The following HAO2 variants were observed in gnomAD, a reference collection of about 807,000 sequenced individuals.
HAO2 encodes 2-Hydroxyacid oxidase 2.
HAO2 carries 42 observed loss-of-function variants against 37.4 expected under a neutral mutation model. That is an observed-to-expected ratio of 1.12 (90% confidence interval 0.88 to 1.45). The LOEUF (loss-of-function observed/expected upper bound fraction) is 1.45. HAO2 is among the 40% of genes most tolerant of loss of function. The pLI is 0.00. For missense variants in HAO2, 476 were observed against 430.2 expected (o/e 1.11, Z -0.94); for synonymous variants, 180 against 162.8 (o/e 1.11, Z -0.81).
rs761312464 is a variant in HAO2, at chr1:119,382,979, G to A, written c.196G>A (p.Gly66Arg). 3.7e-6 allele frequency: 6 copies of A among 1,613,412 alleles called. No individual in the cohort carries two copies. Among genetic ancestry groups the A allele is most frequent in the Non-Finnish European group, 5.1e-6 (6 of 1,179,462 alleles). Residue 66 changes from glycine (G) to arginine (R), a missense_variant, in exon 3 of 8, where the codon GGG (glycine) becomes AGG (arginine). Coordinates refer to ENST00000325945, the MANE Select transcript of HAO2 (RefSeq NM_016527.4). ...GGTGGACACCAGAACCACAATCCAA[G>A]GGGAGGAGATCAGTGCCCCTATTTG... is the stretch of plus-strand genomic sequence containing the variant. The part of the protein sequence containing the change: ...SEVDTRTTIQ[G>R]EEISAPICIA...
intron 7 of HAO2, 40 bp from the exon 8 acceptor site, chr1:119,393,745 G>A (rs1651098325): frequency 1.3e-6 from 2 of 1,598,708 alleles, no homozygotes; most frequent in Non-Finnish European, 1.7e-6. Context: ...AGTTGCTTGT[G>A]TTTGACAAAA....
intron 5 of HAO2, among the ~76,000 whole-genome samples, chr1:119,388,346 G>T (rs1245119843): frequency 1.3e-5 from 2 of 152,160 alleles, no homozygotes; most frequent in African/African-American, 4.8e-5. Flanking sequence ...TAGGTGTCAG[G>T]CTCTCATTAA....
chr1:119,384,915 G>C lies in HAO2; in HGVS notation c.423G>C (p.Leu141Phe). ...VHPDLQLNKQ[L>F]IQRVESLGFK... ...CAGACCTGCAGCTGAACAAACAGTT[G>C]ATCCAGAGGGTAGAATCCCTAGGTT... Residue 141 changes from leucine to phenylalanine, a missense_variant, in exon 4 of 8, where the codon TTG becomes TTC. Coordinates refer to ENST00000325945, the MANE Select transcript of HAO2 (RefSeq NM_016527.4). The C allele has an allele frequency of 6.2e-7, 1 of 1,614,044 alleles. No homozygotes were observed. The highest frequency in any genetic ancestry group is 8.5e-7 in the Non-Finnish European group (1 of 1,179,932).
chr1:119,392,086 A>G, intron 5 of HAO2, 24 bp from the exon 6 acceptor site: 1 of 1,596,834 alleles, frequency 6.3e-7, no homozygotes, highest in Non-Finnish European at 8.5e-7. Flanking sequence ...AAAGCCCTCC[A>G]GCCCATGTGT....
At chr1:119,379,658 T>C (rs1003388666) in intron 1 of HAO2, among the ~76,000 whole-genome samples, 2 of 152,180 alleles carry the variant, frequency 1.3e-5, no homozygotes, top group Non-Finnish European at 2.9e-5. Flanking sequence ...ACTGGCAGAC[T>C]ACTTTTTCTA....
intron 3 of HAO2, among the ~76,000 whole-genome samples, chr1:119,383,321 G>C (rs1303876073): frequency 6.6e-6 from 1 of 152,234 alleles, no homozygotes; most frequent in Non-Finnish European, 1.5e-5. Context: ...ATTTAACCAA[G>C]TCATCCCTCA....
intron 5 of HAO2, among the ~76,000 whole-genome samples, chr1:119,388,058 T>C (rs2101256174): frequency 6.6e-6 from 1 of 152,260 alleles, no homozygotes; most frequent in South Asian, 2.1e-4. Flanking sequence ...ACCGAAGTGG[T>C]TGGGTCTCCT....
rs1228724050 is a variant in HAO2 at position 119,368,810 on chromosome 1, G to T, written c.-101G>T. The T allele has an allele frequency of 6.6e-6, 1 of 152,172 alleles. No homozygotes were observed. Among genetic ancestry groups the T allele is most frequent in the Non-Finnish European group, 1.5e-5 (1 of 68,038 alleles). 9.4% of individuals were successfully genotyped at this position (152,172 alleles called of 1,614,324 possible). ...AGCCTGAACTGTGGGTAGTGATGTG[G>T]TGTGTTTCCTAACACCTCCGGCAGT... On this transcript the variant is annotated 5_prime_UTR_variant, in exon 1 of 8. Coordinates refer to ENST00000325945, the MANE Select transcript of HAO2 (RefSeq NM_016527.4).
chr1:119,372,164 A>T (rs1367682255), intron 1 of HAO2, among the ~76,000 whole-genome samples: 2 of 152,242 alleles, frequency 1.3e-5, no homozygotes, highest in Admixed American at 1.3e-4. Flanking sequence ...AATGCAAATT[A>T]CTGTAAAGCA....
intron 2 of HAO2, 58 bp from the exon 3 acceptor site, chr1:119,382,857 C>T (rs1054528315): frequency 3.4e-5 from 53 of 1,538,942 alleles, no homozygotes; most frequent in Middle Eastern, 3.4e-4. Flanking sequence ...CCCCAGACAA[C>T]GCCTCCCTGC....
chr1:119,381,106 A>G lies in HAO2; in HGVS notation c.21A>G (p.Thr7=). The G allele has an allele frequency of 1.9e-6, 3 of 1,613,236 alleles. No individual in the cohort carries two copies. The highest frequency in any genetic ancestry group is 2.5e-6 in the Non-Finnish European group (3 of 1,179,134). Residue 7 remains threonine, a synonymous_variant, in exon 2 of 8, where the codon ACA becomes ACG. Coordinates refer to ENST00000325945, the MANE Select transcript of HAO2 (RefSeq NM_016527.4). ...CAGAAATGTCCTTGGTGTGTTTGACAGACTTTCAGGCCCATGCGCGAGAGC... is the reference window on the plus strand; with the variant it reads ...CAGAAATGTCCTTGGTGTGTTTGACGGACTTTCAGGCCCATGCGCGAGAGC... MSLVCL[T]DFQAHAREQL...
intron 3 of HAO2, 67 bp downstream of exon 3, chr1:119,383,133 C>A: frequency 8.8e-7 from 1 of 1,142,152 alleles, no homozygotes; most frequent in Non-Finnish European, 1.3e-6. Context: ...GTGGCAGAGG[C>A]TCCAAGATTC....
chr1:119,381,247 G>C, intron 2 of HAO2, 31 bp downstream of exon 2: 1 of 1,571,826 alleles, frequency 6.4e-7, no homozygotes, highest in East Asian at 2.2e-5. Context: ...TCTATTGTTA[G>C]GTTAAGGTGC....
At chr1:119,377,477 C>G (rs746415043) in intron 1 of HAO2, among the ~76,000 whole-genome samples, 1 of 152,216 alleles carries the variant, frequency 6.6e-6, no homozygotes, top group Admixed American at 6.5e-5. Flanking sequence ...CTTCTAAGCC[C>G]TCCAAACTGT....
chr1:119,375,531 T>C (rs72989679), intron 1 of HAO2, among the ~76,000 whole-genome samples: 4,325 of 152,254 alleles, frequency 0.028, 197 homozygotes, highest in African/African-American at 0.097. Flanking sequence ...TTACCTGAAA[T>C]TGAAAATGAG....
intron 2 of HAO2, among the ~76,000 whole-genome samples, chr1:119,382,413 A>C (rs17023517): frequency 0.039 from 5,944 of 152,280 alleles, 255 homozygotes; most frequent in East Asian, 0.19. Context: ...CAAATCTTCA[A>C]ACTAACTAGC....
chr1:119,381,471 G>A lies in HAO2; in HGVS notation c.131+255G>A, dbSNP rs1649937745. 2.0e-5 allele frequency among the ~76,000 whole-genome samples: 3 copies of A among 152,282 alleles called. No homozygotes were observed. The South Asian group carries it at 6.2e-4, about 32-fold the overall frequency. ...CTTCATCTCAGCAACTTTGCAACCT[G>A]ACAAGATAGAACAAGAGTCCCAGAA... On this transcript the variant is annotated intron_variant, in intron 2 of 7. Transcript: ENST00000325945.
At chr1:119,381,052 G>T in intron 1 of HAO2, 26 bp from the exon 2 acceptor site, 1 of 1,608,562 alleles carries the variant, frequency 6.2e-7, no homozygotes, top group Non-Finnish European at 8.5e-7. Flanking sequence ...ACTGGGTTTG[G>T]TTTGGTTTTG....
chr1:119,390,373 T>A (rs1650783454), intron 5 of HAO2, among the ~76,000 whole-genome samples: 1 of 152,168 alleles, frequency 6.6e-6, no homozygotes, highest in African/African-American at 2.4e-5. Context: ...TGCCTTAGCC[T>A]CCCAAGTAGC....
Sources: allele counts gnomAD v4.1 joint callset (sites outside exome capture counted in the v4.1 genomes callset), GRCh38; gene constraint gnomAD v4.1.1; transcripts MANE v1.5; gene names NCBI Gene and HGNC (gene_info 2026-07-23, HGNC 2026-07-21).